LINGO2: variants seen among roughly 807,000 people sequenced by gnomAD.
LINGO2 encodes the protein leucine-rich repeat and immunoglobulin-like domain-containing nogo receptor-interacting protein 2.
Under a neutral mutation model 30.6 loss-of-function variants are expected in LINGO2, and 14 were observed. That is an observed-to-expected ratio of 0.46 (90% CI 0.30 to 0.72). LINGO2 has a LOEUF of 0.72. LINGO2 is among the 30% of genes least tolerant of loss of function. The pLI is 0.07. For missense variants in LINGO2, 729 were observed against 751.7 expected (o/e 0.97, Z 0.35); for synonymous variants, 317 against 288.5 (o/e 1.10, Z -1.00).
At chr9:28,811,102 AC>A in the LINGO2 span, among the ~76,000 whole-genome samples, 1 of 152,156 alleles carries the variant, frequency 6.6e-6, no homozygotes, top group African/African-American at 2.4e-5. Flanking sequence ...GCAAAAACCT[AC>A]TTCTGTATCA....
At chr9:28,712,449 T>G in the LINGO2 span, among the ~76,000 whole-genome samples, 1 of 151,332 alleles carries the variant, frequency 6.6e-6, no homozygotes, top group East Asian at 1.9e-4. Flanking sequence ...GATTATATCT[T>G]TTCTTCTCAG....
chr9:28,467,038 G>GT (rs923366088), intron 2 of LINGO2, among the ~76,000 whole-genome samples: 4 of 149,484 alleles, frequency 2.7e-5, no homozygotes, highest in African/African-American at 5.0e-5. Flanking sequence ...TTTTTTTTGG[G>GT]GGGGGGGGAC....
intron 1 of LINGO2, among the ~76,000 whole-genome samples, chr9:28,616,033 G>A (rs566158199): frequency 7.2e-5 from 11 of 152,224 alleles, no homozygotes; most frequent in African/African-American, 2.6e-4. Context: ...GGGAGGCAGA[G>A]TGAGTGAGGC....
intron 1 of LINGO2, among the ~76,000 whole-genome samples, chr9:28,545,067 A>G (rs931601427): frequency 1.3e-5 from 2 of 152,030 alleles, no homozygotes; most frequent in Non-Finnish European, 1.5e-5. Context: ...TATTCTCTGC[A>G]CTTTACAGAT....
At chr9:28,611,767 T>C (rs1001803270) in intron 1 of LINGO2, among the ~76,000 whole-genome samples, 17 of 151,968 alleles carry the variant, frequency 1.1e-4, no homozygotes, top group African/African-American at 3.9e-4. Context: ...TGTCTGTGTC[T>C]GCATATGAAT....
In LINGO2 at chr9:28,541,395, T is replaced by A. The variant is rs192488835; in HGVS notation, c.-364-65370A>T. On this transcript the variant is annotated intron_variant, in intron 1 of 5. Coordinates refer to ENST00000379992, the Ensembl canonical transcript of LINGO2. ...CTTTGGTAAAAATAACAGGTCCTTA[T>A]GAGGATGACTGATGTAATTAGGAAA... 8.5e-5 allele frequency among the ~76,000 whole-genome samples: 13 copies of A among 152,302 alleles called. No individual in the cohort carries two copies. In the East Asian group the frequency reaches 2.5e-3, roughly 29 times the overall value.
chr9:28,154,479 T>A (rs1432137567), intron 4 of LINGO2, among the ~76,000 whole-genome samples: 1 of 152,196 alleles, frequency 6.6e-6, no homozygotes, highest in South Asian at 2.1e-4. Context: ...GAGTAGGTTT[T>A]TATTTATGAA....
chr9:28,416,548 A>G (rs926653364), intron 2 of LINGO2, among the ~76,000 whole-genome samples: 4 of 152,200 alleles, frequency 2.6e-5, no homozygotes, highest in Admixed American at 6.5e-5. Context: ...AGAGATAGGG[A>G]AACTCAAGAT....
At chr9:28,123,683 T>G (rs1827161242) in intron 4 of LINGO2, among the ~76,000 whole-genome samples, 1 of 151,288 alleles carries the variant, frequency 6.6e-6, no homozygotes, top group African/African-American at 2.4e-5. Flanking sequence ...TTTTTTTTTT[T>G]GACGGAGTCT....
intron 1 of LINGO2, among the ~76,000 whole-genome samples, chr9:28,533,790 C>A (rs894451827): frequency 5.9e-5 from 9 of 151,970 alleles, no homozygotes; most frequent in Non-Finnish European, 1.3e-4. Flanking sequence ...AGAACAGTAC[C>A]TGAATTAAAA....
chr9:28,314,082 C>T (rs913100203), intron 3 of LINGO2, among the ~76,000 whole-genome samples: 19 of 152,158 alleles, frequency 1.2e-4, no homozygotes, highest in African/African-American at 4.6e-4. Context: ...CTACAGGCGC[C>T]CACCACCTCG....
chr9:29,171,424 G>A, the LINGO2 span, among the ~76,000 whole-genome samples: 5 of 151,898 alleles, frequency 3.3e-5, no homozygotes, highest in South Asian at 2.1e-4. Flanking sequence ...GAAACTTCCC[G>A]TATAGCCACT....
chr9:28,035,353 G>A (rs919508382), intron 4 of LINGO2, among the ~76,000 whole-genome samples: 2 of 152,190 alleles, frequency 1.3e-5, no homozygotes, highest in African/African-American at 4.8e-5. Context: ...CTCACTGTGG[G>A]TATCAATGAC....
chr9:28,360,468 G>A (rs1467476296), intron 3 of LINGO2, among the ~76,000 whole-genome samples: 1 of 152,134 alleles, frequency 6.6e-6, no homozygotes, highest in East Asian at 1.9e-4. Flanking sequence ...ACTGCCCCAT[G>A]TCCTTCAGCT....
the LINGO2 span, among the ~76,000 whole-genome samples, chr9:29,212,338 C>G: frequency 6.6e-6 from 1 of 151,974 alleles, no homozygotes; most frequent in East Asian, 1.9e-4. Flanking sequence ...CCACCCGCTC[C>G]GCGGCGCCCG....
intron 2 of LINGO2, among the ~76,000 whole-genome samples, chr9:28,419,195 A>G (rs2183826): frequency 0.13 from 19,309 of 152,044 alleles, 1,422 homozygotes; most frequent in East Asian, 0.24. Flanking sequence ...ATGAATAGGG[A>G]TGTTTCCATC....
intron 4 of LINGO2, among the ~76,000 whole-genome samples, chr9:28,282,508 C>G (rs1409315233): frequency 6.6e-6 from 1 of 151,974 alleles, no homozygotes; most frequent in African/African-American, 2.4e-5. Flanking sequence ...AAACACTGCC[C>G]TTTCTGCTAG....
At chr9:28,996,205 T>G in the LINGO2 span, among the ~76,000 whole-genome samples, 1 of 152,182 alleles carries the variant, frequency 6.6e-6, no homozygotes, top group Non-Finnish European at 1.5e-5. Flanking sequence ...AGATGTAATT[T>G]CTATTGTGTT....
At position 28,314,842 on chromosome 9, in the gene LINGO2, G is replaced by A. The variant is rs1042867543; in HGVS notation, c.-245-19476C>T. Among the ~76,000 whole-genome samples, 18 of 150,774 alleles carry A rather than the reference G, an allele frequency of 1.2e-4. 1 individual carries two copies. The highest frequency in any genetic ancestry group is 1.9e-4 in the Non-Finnish European group (13 of 67,634). On this transcript the variant is annotated intron_variant, in intron 3 of 5. Coordinates refer to ENST00000379992, the Ensembl canonical transcript of LINGO2. Reference sequence around the variant, plus strand: ...TACTAAAAATACCAAAAAATTAGCCGGGCGTGGTGGCGGGCACCTGTAGTC... The same window carrying A: ...TACTAAAAATACCAAAAAATTAGCCAGGCGTGGTGGCGGGCACCTGTAGTC...
Sources: allele counts gnomAD v4.1 joint callset (sites outside exome capture counted in the v4.1 genomes callset), GRCh38; gene constraint gnomAD v4.1.1; transcripts MANE v1.5; gene names NCBI Gene and HGNC (gene_info 2026-07-23, HGNC 2026-07-21).